The following JAZF1 variants were observed in gnomAD, a reference collection of about 807,000 sequenced individuals.
JAZF1 encodes JAZF zinc finger 1.
Under a neutral mutation model 26.4 loss-of-function variants are expected in JAZF1, and 8 were observed. That is an observed-to-expected ratio of 0.30 (90% CI 0.18 to 0.55). The LOEUF (loss-of-function observed/expected upper bound fraction) is 0.55, where lower values mean the gene tolerates loss of function less well. Ranked by LOEUF, JAZF1 falls within the 20% of genes least tolerant of loss-of-function variation. The pLI, the probability that JAZF1 is intolerant of heterozygous loss-of-function variation, is 0.94. For synonymous variants in JAZF1, 126 were observed against 122.3 expected (o/e 1.03, Z -0.20); for missense variants, 199 against 322.0 (o/e 0.62, Z 2.92).
chr7:27,831,876 C>T lies in JAZF1; in HGVS notation c.*924G>A. ...TTAAATTGTTGGCAATAGAGAACTACAAAGTGCTTTAAAACTTCATCTGAA... is the reference window on the plus strand; with the variant it reads ...TTAAATTGTTGGCAATAGAGAACTATAAAGTGCTTTAAAACTTCATCTGAA... On this transcript the variant is annotated 3_prime_UTR_variant, in exon 5 of 5. Transcript: ENST00000283928. 1 of 218,640 alleles carries T rather than the reference C, an allele frequency of 4.6e-6. No individual in the cohort carries two copies. The highest frequency in any genetic ancestry group is 9.2e-6 in the Non-Finnish European group (1 of 108,744). The allele number at this position is 218,640 out of a possible 1,614,324, so 13.5% of individuals were successfully genotyped here.
intron 1 of JAZF1, among the ~76,000 whole-genome samples, chr7:28,000,280 A>G (rs1786116645): frequency 6.6e-6 from 1 of 152,158 alleles, no homozygotes; most frequent in African/African-American, 2.4e-5. Flanking sequence ...TCTGCTAACA[A>G]CTGGAGGGAG....
chr7:27,906,460 T>G (rs142144810), intron 2 of JAZF1, among the ~76,000 whole-genome samples: 1 of 152,366 alleles, frequency 6.6e-6, no homozygotes, highest in East Asian at 1.9e-4. Context: ...ATCCCATTCC[T>G]GAATACTATG....
chr7:27,842,223 T>C (rs1017283106), intron 3 of JAZF1: 3 of 152,202 alleles, frequency 2.0e-5, no homozygotes, highest in African/African-American at 7.2e-5. Context: ...CTGTGCATTA[T>C]CTCATTTAAT....
intron 1 of JAZF1, among the ~76,000 whole-genome samples, chr7:28,115,755 C>T (rs910604168): frequency 4.0e-4 from 61 of 152,178 alleles, no homozygotes; most frequent in African/African-American, 1.4e-3. Context: ...CCATGCTATC[C>T]CCCACCTACC....
intron 1 of JAZF1, among the ~76,000 whole-genome samples, chr7:28,041,456 T>C (rs1197435843): frequency 6.6e-6 from 1 of 152,212 alleles, no homozygotes; most frequent in Non-Finnish European, 1.5e-5. Flanking sequence ...CTAGACATCT[T>C]GCTATGCAAA....
chr7:28,009,174 T>C (rs117621905), intron 1 of JAZF1, among the ~76,000 whole-genome samples: 1,692 of 151,996 alleles, frequency 0.011, 16 homozygotes, highest in Non-Finnish European at 0.017. Context: ...GGATTCAATA[T>C]AATAAAGATA....
chr7:27,871,394 T>C (rs548048919), intron 3 of JAZF1, among the ~76,000 whole-genome samples: 12 of 152,244 alleles, frequency 7.9e-5, no homozygotes, highest in Non-Finnish European at 1.5e-4. Context: ...TGTTTTGCTC[T>C]ATAAGGAGAA....
intron 1 of JAZF1, among the ~76,000 whole-genome samples, chr7:28,020,132 AG>A (rs2128372596): frequency 6.6e-6 from 1 of 152,280 alleles, no homozygotes; most frequent in East Asian, 1.9e-4. Context: ...ACATCCTAAT[AG>A]TGCTGTTCTT....
intron 1 of JAZF1, among the ~76,000 whole-genome samples, chr7:28,078,703 G>T (rs1237598640): frequency 6.6e-6 from 1 of 152,010 alleles, no homozygotes; most frequent in Non-Finnish European, 1.5e-5. Flanking sequence ...CCCTTTTCTT[G>T]CACTACTAGT....
In JAZF1 at chr7:28,174,244, G is replaced by C. The variant is rs77248872; in HGVS notation, c.115+6219C>G. Among the ~76,000 whole-genome samples, 1,419 of 152,256 alleles carry C rather than the reference G, an allele frequency of 9.3e-3. 17 individuals are homozygous for C. The highest frequency in any genetic ancestry group is 0.028 in the African/African-American group (1,154 of 41,536). On this transcript the variant is annotated intron_variant, in intron 1 of 4. Transcript: ENST00000283928. Reference sequence around the variant, plus strand: ...GGGTAGAGAAATATAAGGGAATGTGGGGTATGTATGATTGTTGCCCTAGAA... The same window carrying C: ...GGGTAGAGAAATATAAGGGAATGTGCGGTATGTATGATTGTTGCCCTAGAA...
chr7:28,004,414 A>C (rs779271526), intron 1 of JAZF1, among the ~76,000 whole-genome samples: 3 of 151,816 alleles, frequency 2.0e-5, no homozygotes, highest in Middle Eastern at 3.4e-3. Context: ...AAAAAAAAAA[A>C]GTCTGATGCC....
At chr7:27,954,450 G>A (rs73299499) in intron 2 of JAZF1, among the ~76,000 whole-genome samples, 16,012 of 152,092 alleles carry the variant, frequency 0.11, 1,848 homozygotes, top group East Asian at 0.4. Flanking sequence ...GGTGGCTTTG[G>A]CAGGGCATCC....
chr7:28,034,577 C>T (rs971897135), intron 1 of JAZF1, among the ~76,000 whole-genome samples: 1 of 151,916 alleles, frequency 6.6e-6, no homozygotes, highest in Non-Finnish European at 1.5e-5. Flanking sequence ...TTTTCCCAAT[C>T]CTGCTTCATT....
chr7:28,019,630 C>T (rs1378757663), intron 1 of JAZF1, among the ~76,000 whole-genome samples: 1 of 152,062 alleles, frequency 6.6e-6, no homozygotes, highest in Non-Finnish European at 1.5e-5. Flanking sequence ...CTACCCCCCT[C>T]CTTGACTTTA....
At chr7:27,857,341 C>A (rs948982475) in intron 3 of JAZF1, among the ~76,000 whole-genome samples, 1 of 152,228 alleles carries the variant, frequency 6.6e-6, no homozygotes, top group Non-Finnish European at 1.5e-5. Flanking sequence ...ACCCGGAACT[C>A]GTGCTGGCCT....
chr7:28,165,958 C>T (rs541600947), intron 1 of JAZF1, among the ~76,000 whole-genome samples: 53 of 152,060 alleles, frequency 3.5e-4, no homozygotes, highest in South Asian at 1.7e-3. Flanking sequence ...AGTTACTAAA[C>T]GCATAAATTG....
Position 27,979,405 on chromosome 7 carries a change from T to TTTTTTTTTTTTTTTTTC in JAZF1, c.188+12503_188+12504insGAAAAAAAAAAAAAAAA, listed in dbSNP as rs1368873651. ...TTTTTTTTTTTTTTTTTTTTTTTTT[T>TTTTTTTTTTTTTTTTTC]AGAAACAGAGTCTTGTTCTATCACC... is the stretch of plus-strand genomic sequence containing the variant. On this transcript the variant is annotated intron_variant, in intron 2 of 4. Transcript: ENST00000283928. 2.4e-5 allele frequency among the ~76,000 whole-genome samples: 2 copies of TTTTTTTTTTTTTTTTTC among 84,248 alleles called. 1 individual carries two copies. Among genetic ancestry groups the TTTTTTTTTTTTTTTTTC allele is most frequent in the East Asian group, 8.2e-4 (2 of 2,430 alleles). 55.3% of individuals were successfully genotyped at this position (84,248 alleles called of 152,430 possible). A position where few individuals can be genotyped will look rare whatever the true frequency, so the allele number is the denominator to read the frequency against.
intron 1 of JAZF1, among the ~76,000 whole-genome samples, chr7:28,115,668 C>T (rs1784730302): frequency 6.6e-6 from 1 of 152,120 alleles, no homozygotes; most frequent in South Asian, 2.1e-4. Context: ...TTACAGGCTT[C>T]AAATATAAAA....
chr7:27,933,183 G>T (rs1022163437), intron 2 of JAZF1, among the ~76,000 whole-genome samples: 13 of 152,190 alleles, frequency 8.5e-5, no homozygotes, highest in Non-Finnish European at 1.6e-4. Context: ...GAAATTAGGG[G>T]TAGAGGGTTT....
Sources: gnomAD v4.1 joint callset for allele counts (sites outside exome capture counted in the v4.1 genomes callset) on GRCh38, gnomAD v4.1.1 for gene constraint, MANE v1.5 for transcripts, NCBI Gene and HGNC (gene_info 2026-07-23, HGNC 2026-07-21) for gene names.